RORA: variants seen among roughly 807,000 people sequenced by gnomAD.
The protein encoded by RORA is nuclear receptor ROR-alpha.
Under a neutral mutation model 69.5 loss-of-function variants are expected in RORA, and 7 were observed. The ratio of observed to expected loss-of-function variants is 0.10; its 90% CI spans 0.06 to 0.19. The LOEUF is 0.19. Among genes scored for constraint, RORA ranks in the 10% least tolerant of loss-of-function variants. The pLI is 1.00. For missense variants in RORA, 457 were observed against 663.0 expected (o/e 0.69, Z 3.41); for synonymous variants, 261 against 240.8 (o/e 1.08, Z -0.78).
At chr15:60,761,368 T>A (rs1263136547) in intron 1 of RORA, among the ~76,000 whole-genome samples, 2 of 152,148 alleles carry the variant, frequency 1.3e-5, no homozygotes, top group African/African-American at 4.8e-5. Context: ...TGAATCATTC[T>A]TTGATGATTC....
intron 3 of RORA, among the ~76,000 whole-genome samples, chr15:60,517,463 T>TTTTTATTTTATTTTATTTTA (rs58528279): frequency 0.016 from 2,420 of 151,874 alleles, 72 homozygotes; most frequent in African/African-American, 0.056. Flanking sequence ...AAAGCTATGT[T>TTTTTATTTTATTTTATTTTA]TTTTATTTTA....
At chr15:60,745,897 G>T (rs1019789171) in intron 1 of RORA, among the ~76,000 whole-genome samples, 8 of 151,968 alleles carry the variant, frequency 5.3e-5, no homozygotes, top group Non-Finnish European at 5.9e-5. Context: ...TTTTAAAGCC[G>T]CTTAATTTCC....
chr15:61,186,994 G>A (rs957896480), intron 1 of RORA, among the ~76,000 whole-genome samples: 1 of 152,216 alleles, frequency 6.6e-6, no homozygotes, highest in Non-Finnish European at 1.5e-5. Context: ...GAGAGCACAC[G>A]GACTACTTAT....
intron 1 of RORA, among the ~76,000 whole-genome samples, chr15:61,041,988 A>T (rs1352701642): frequency 3.9e-5 from 6 of 152,308 alleles, no homozygotes; most frequent in African/African-American, 1.4e-4. Flanking sequence ...CACAGCTGAT[A>T]CATAGCAGAG....
At chr15:60,551,737 C>A (rs1283931233) in intron 2 of RORA, among the ~76,000 whole-genome samples, 3 of 152,148 alleles carry the variant, frequency 2.0e-5, no homozygotes, top group Non-Finnish European at 4.4e-5. Flanking sequence ...CCATAAAGAC[C>A]TCTGTGATTA....
At chr15:61,090,147 G>A (rs2078684302) in intron 1 of RORA, among the ~76,000 whole-genome samples, 1 of 152,230 alleles carries the variant, frequency 6.6e-6, no homozygotes, top group Non-Finnish European at 1.5e-5. Context: ...GTGGGGTAAA[G>A]TGAGGATAGT....
intron 1 of RORA, among the ~76,000 whole-genome samples, chr15:60,708,337 G>A (rs2071094983): frequency 6.6e-6 from 1 of 150,968 alleles, no homozygotes; most frequent in African/African-American, 2.4e-5. Flanking sequence ...CAGGAGAATC[G>A]CTTGAATCCA....
chr15:60,966,617 C>T (rs1056849707), intron 1 of RORA, among the ~76,000 whole-genome samples: 3 of 152,148 alleles, frequency 2.0e-5, no homozygotes, highest in Non-Finnish European at 2.9e-5. Flanking sequence ...GGGATTACAT[C>T]CCTCTGACCT....
At chr15:61,008,426 T>C (rs1894990582) in intron 1 of RORA, among the ~76,000 whole-genome samples, 1 of 152,100 alleles carries the variant, frequency 6.6e-6, no homozygotes, top group Admixed American at 6.6e-5. Flanking sequence ...GTATATCAGC[T>C]GGGTCTCTCG....
chr15:60,745,547 T>C (rs1043390405), intron 1 of RORA, among the ~76,000 whole-genome samples: 2 of 152,186 alleles, frequency 1.3e-5, no homozygotes, highest in Non-Finnish European at 1.5e-5. Flanking sequence ...CCTGCTTTCC[T>C]TGGCCTCGGC....
intron 3 of RORA, among the ~76,000 whole-genome samples, chr15:60,523,449 A>G (rs1307982170): frequency 6.6e-6 from 1 of 152,226 alleles, no homozygotes; most frequent in Non-Finnish European, 1.5e-5. Flanking sequence ...ATTATGTGAA[A>G]TTATATCAAT....
chr15:60,624,547 A>AG (rs2069520232), intron 2 of RORA, among the ~76,000 whole-genome samples: 1 of 143,302 alleles, frequency 7.0e-6, no homozygotes, highest in African/African-American at 2.6e-5. Context: ...TATTTGCTGT[A>AG]TATATATATA....
intron 1 of RORA, among the ~76,000 whole-genome samples, chr15:61,215,998 C>T (rs999378333): frequency 1.3e-5 from 2 of 152,144 alleles, no homozygotes; most frequent in Non-Finnish European, 2.9e-5. Flanking sequence ...ATCACAATGC[C>T]AATTAATTCT....
At chr15:60,735,896 A>G (rs2071490908) in intron 1 of RORA, among the ~76,000 whole-genome samples, 1 of 152,224 alleles carries the variant, frequency 6.6e-6, no homozygotes, top group Non-Finnish European at 1.5e-5. Flanking sequence ...TTGGAGACAG[A>G]CTTATTGACT....
intron 1 of RORA, among the ~76,000 whole-genome samples, chr15:60,759,909 T>G (rs996083888): frequency 3.2e-4 from 48 of 152,342 alleles, no homozygotes; most frequent in African/African-American, 1.1e-3. Flanking sequence ...AAAAGTACTT[T>G]GTTAGATTTA....
intron 1 of RORA, among the ~76,000 whole-genome samples, chr15:60,828,026 A>G (rs1207997946): frequency 6.6e-6 from 1 of 152,196 alleles, no homozygotes; most frequent in Non-Finnish European, 1.5e-5. Flanking sequence ...ACTAGTACCA[A>G]CTATGTTGGA....
At chr15:60,872,280 A>C (rs935497345) in intron 1 of RORA, among the ~76,000 whole-genome samples, 1 of 152,192 alleles carries the variant, frequency 6.6e-6, no homozygotes. Flanking sequence ...AAGATCATAT[A>C]CAAAGATGCT....
chr15:61,125,518 G>A (rs2079135845), intron 1 of RORA, among the ~76,000 whole-genome samples: 2 of 152,206 alleles, frequency 1.3e-5, no homozygotes, highest in South Asian at 4.1e-4. Flanking sequence ...CAGTTATACA[G>A]TATATCAGAT....
chr15:61,048,499 G>C (rs929562001), intron 1 of RORA, among the ~76,000 whole-genome samples: 5 of 152,192 alleles, frequency 3.3e-5, no homozygotes, highest in Non-Finnish European at 7.3e-5. Flanking sequence ...TGTCCCGGGG[G>C]AACTGTTTTT....
Sources: allele counts gnomAD v4.1 joint callset (sites outside exome capture counted in the v4.1 genomes callset), GRCh38; gene constraint gnomAD v4.1.1; transcripts MANE v1.5; gene names NCBI Gene and HGNC (gene_info 2026-07-23, HGNC 2026-07-21).